Variants in ARHGAP32 observed in about 807,000 individuals in gnomAD.
The protein encoded by ARHGAP32 is rho GTPase-activating protein 32.
In ARHGAP32, 51 loss-of-function variants were observed where a neutral mutation model predicts 186.5. That is an observed-to-expected ratio of 0.27 (90% CI 0.22 to 0.35). ARHGAP32 has a LOEUF of 0.35. ARHGAP32 is among the 10% of genes least tolerant of loss of function. ARHGAP32 has a pLI of 1.00. For synonymous variants in ARHGAP32, 950 were observed against 964.3 expected, an observed-to-expected ratio of 0.99 and a Z score of 0.27; for missense variants, 2,186 against 2,623.5, an observed-to-expected ratio of 0.83 and a Z score of 3.64.
chr11:129,269,811 T>C (rs1361360160), intron 1 of ARHGAP32, among the ~76,000 whole-genome samples: 1 of 152,102 alleles, frequency 6.6e-6, no homozygotes, highest in African/African-American at 2.4e-5. Flanking sequence ...GAAGAAACAA[T>C]GTCATATACC....
At chr11:129,129,652 A>AT (rs1451520490) in intron 2 of ARHGAP32, among the ~76,000 whole-genome samples, 1 of 152,222 alleles carries the variant, frequency 6.6e-6, no homozygotes, top group Non-Finnish European at 1.5e-5. Flanking sequence ...GTGTAGAAAG[A>AT]AGTAGACATG....
At chr11:129,038,888 G>GAAAAAAA (rs56810685) in intron 11 of ARHGAP32, among the ~76,000 whole-genome samples, 12 of 92,182 alleles carry the variant, frequency 1.3e-4, no homozygotes, top group East Asian at 3.1e-4. Flanking sequence ...ACCCTGTCTC[G>GAAAAAAA]AAAAAAAAAA....
chr11:129,278,970 G>A (rs1489206543), intron 1 of ARHGAP32, among the ~76,000 whole-genome samples: 2 of 147,524 alleles, frequency 1.4e-5, no homozygotes, highest in Admixed American at 6.7e-5. Context: ...CCGGGAGGCC[G>A]GGGAGATGGG....
Position 128,981,934 on chromosome 11 carries a change from G to A in ARHGAP32, c.1529C>T (p.Thr510Ile). 6.3e-7 allele frequency: 1 copy of A among 1,587,954 alleles called. No individual in the cohort carries two copies. Among genetic ancestry groups the A allele is most frequent in the Non-Finnish European group, 8.6e-7 (1 of 1,159,734 alleles). The change falls in exon 16 of 23, where the codon ACA becomes ATA. Residue 510 changes from threonine to isoleucine, a missense_variant and splice_region_variant. Thr to Ile is a moderately conservative substitution (Grantham distance 89). Around this residue, in one of 5 missense-constraint regions of ARHGAP32, gnomAD observed 308 missense variants for 596.5 expected, o/e 0.52. Coordinates refer to ENST00000682385, the MANE Select transcript of ARHGAP32 (RefSeq NM_001378024.1). ...CAAGTGTCTCATCAGGAACTCCAGT[G>A]TTCTGGAAATAAAATACAACATATT... is the stretch of plus-strand genomic sequence containing the variant. Reference protein sequence around the residue: ...IQQLPPPHYRTLEFLMRHLSL... With the variant: ...IQQLPPPHYRILEFLMRHLSL...
At chr11:129,153,646 T>G (rs2135459082) in intron 2 of ARHGAP32, among the ~76,000 whole-genome samples, 1 of 152,284 alleles carries the variant, frequency 6.6e-6, no homozygotes, top group Admixed American at 6.5e-5. Context: ...AAGGGATACC[T>G]ATTCAACAAA....
At chr11:129,124,951 A>G (rs922930457) in intron 2 of ARHGAP32, 57 bp from the exon 3 acceptor site, 8 of 1,340,834 alleles carry the variant, frequency 6.0e-6, no homozygotes, top group Non-Finnish European at 6.2e-6. Context: ...CACTTTTTTA[A>G]AAAGCAGGTT....
At chr11:129,115,865 G>C (rs1942353174) in intron 5 of ARHGAP32, among the ~76,000 whole-genome samples, 1 of 152,006 alleles carries the variant, frequency 6.6e-6, no homozygotes, top group African/African-American at 2.4e-5. Flanking sequence ...TCAGAGCAAA[G>C]GTCTCTCTCT....
rs951517093 is a variant in ARHGAP32 at position 128,965,258 on chromosome 11, G to A, written c.*3649C>T. 7.0e-6 allele frequency: 1 copy of A among 143,128 alleles called. No individual in the cohort carries two copies. Among genetic ancestry groups the A allele is most frequent in the Non-Finnish European group, 1.5e-5 (1 of 66,584 alleles). 8.9% of individuals were successfully genotyped at this position (143,128 alleles called of 1,614,324 possible). On this transcript the variant is annotated 3_prime_UTR_variant, in exon 23 of 23. Transcript: ENST00000682385. ...AGCTTCAAATAAGTTTGCAAGAAAT[G>A]AGACTCTAAATATTTACATATGGGG...
chr11:129,002,108 A>G (rs1170869293), intron 11 of ARHGAP32, among the ~76,000 whole-genome samples: 2 of 152,122 alleles, frequency 1.3e-5, no homozygotes, highest in African/African-American at 4.8e-5. Context: ...AAATTTTAGT[A>G]TATTTTTTTC....
chr11:129,206,506 C>T (rs909977636), intron 1 of ARHGAP32, among the ~76,000 whole-genome samples: 9 of 152,282 alleles, frequency 5.9e-5, no homozygotes, highest in African/African-American at 2.2e-4. Flanking sequence ...GGCTGCCACA[C>T]CCAGCCATTG....
chr11:129,149,296 C>T (rs983430397), intron 2 of ARHGAP32, among the ~76,000 whole-genome samples: 1 of 152,200 alleles, frequency 6.6e-6, no homozygotes, highest in Non-Finnish European at 1.5e-5. Context: ...TCCTTAGTCT[C>T]TCCATTTGAC....
intron 2 of ARHGAP32, among the ~76,000 whole-genome samples, chr11:129,127,224 A>T (rs1164924644): frequency 6.6e-6 from 1 of 152,152 alleles, no homozygotes; most frequent in Non-Finnish European, 1.5e-5. Flanking sequence ...CTGCAACCAC[A>T]ACTGACTGGA....
intron 22 of ARHGAP32, 132 bp downstream of exon 22, chr11:128,972,321 C>G (rs1170444243): frequency 1.9e-6 from 2 of 1,071,940 alleles, no homozygotes; most frequent in African/African-American, 1.6e-5. Flanking sequence ...TGGGAACTAT[C>G]TCATGGAAAC....
rs1057149463 is a variant in ARHGAP32, at chr11:129,273,783, T to C, written c.-5+5363A>G. On this transcript the variant is annotated intron_variant, in intron 1 of 6. Transcript: ENST00000525234. ...CTTGCTTCACATCACAAGGCTGAAA[T>C]CCAAATAAGGATTTTACTATTTTTA... Among the ~76,000 whole-genome samples the C allele has an allele frequency of 7.9e-5, 12 of 152,112 alleles. 1 individual carries two copies. The highest frequency in any genetic ancestry group is 1.6e-4 in the Non-Finnish European group (11 of 68,020).
chr11:129,226,383 C>T (rs891758342), intron 1 of ARHGAP32, among the ~76,000 whole-genome samples: 13 of 152,154 alleles, frequency 8.5e-5, no homozygotes, highest in Admixed American at 2.0e-4. Context: ...TGACACATCA[C>T]ATACAAGGGA....
intron 6 of ARHGAP32, among the ~76,000 whole-genome samples, chr11:129,086,296 G>T (rs1420624678): frequency 2.0e-5 from 3 of 152,134 alleles, no homozygotes; most frequent in Non-Finnish European, 4.4e-5. Context: ...ATGGATCACA[G>T]ACTGAATGAA....
intron 1 of ARHGAP32, among the ~76,000 whole-genome samples, chr11:129,185,943 C>T (rs551052130): frequency 2.0e-4 from 30 of 152,002 alleles, no homozygotes; most frequent in African/African-American, 5.5e-4. Flanking sequence ...AAAAGTATAG[C>T]GCAACTTCCA....
At position 129,240,487 on chromosome 11, in the gene ARHGAP32, AG is replaced by A. The variant is rs551121115; in HGVS notation, c.-5+38658del. ...ATTTCCTTTTCTACAAGCTTTCCCT[AG>A]GTCTTCAATAAATTCACACAGTACC... On this transcript the variant is annotated intron_variant, in intron 1 of 6. Transcript: ENST00000525234. 2.5e-3 allele frequency among the ~76,000 whole-genome samples: 380 copies of A among 152,240 alleles called. 4 individuals carry two copies. The highest frequency in any genetic ancestry group is 8.7e-3 in the African/African-American group (362 of 41,546).
intron 5 of ARHGAP32, among the ~76,000 whole-genome samples, chr11:129,096,519 AC>A (rs1166417668): frequency 2.0e-5 from 3 of 148,080 alleles, no homozygotes; most frequent in Non-Finnish European, 3.0e-5. Context: ...AGCTCCCTAT[AC>A]CCCCCCGGCC....
Sources: gnomAD v4.1 joint callset for allele counts (sites outside exome capture counted in the v4.1 genomes callset) on GRCh38, gnomAD v4.1.1 for gene constraint, gnomAD v4.1.1 regional missense constraint, MANE v1.5 for transcripts, NCBI Gene and HGNC (gene_info 2026-07-23, HGNC 2026-07-21) for gene names.